The following ARFGEF2 variants were observed in gnomAD, a reference collection of about 807,000 sequenced individuals.
ARFGEF2 encodes the protein brefeldin A-inhibited guanine nucleotide-exchange protein 2.
ARFGEF2 carries 74 observed loss-of-function variants against 219.9 expected under a neutral mutation model. The observed-to-expected ratio is 0.34, with a 90% confidence interval of 0.28 to 0.41. The LOEUF (loss-of-function observed/expected upper bound fraction) is 0.41, where lower values mean the gene tolerates loss of function less well. Among genes scored for constraint, ARFGEF2 ranks in the 10% least tolerant of loss-of-function variants. The probability of loss-of-function intolerance (pLI) is 1.00; values close to 1 mark genes in which losing one functional copy is unlikely to be tolerated. For missense variants in ARFGEF2, 1,743 were observed against 2,218.3 expected, an observed-to-expected ratio of 0.79 and a Z score of 4.30; for synonymous variants, 733 against 799.2, an observed-to-expected ratio of 0.92 and a Z score of 1.40.
At chr20:48,943,146 G>A (rs141749670) in intron 3 of ARFGEF2, among the ~76,000 whole-genome samples, 30 of 152,260 alleles carry the variant, frequency 2.0e-4, no homozygotes, top group African/African-American at 7.2e-4. Context: ...CCACTAAAAA[G>A]ATACTTGTTT....
At chr20:48,957,084 A>G (rs2091110712) in intron 6 of ARFGEF2, among the ~76,000 whole-genome samples, 1 of 152,128 alleles carries the variant, frequency 6.6e-6, no homozygotes, top group Non-Finnish European at 1.5e-5. Context: ...TGTGACTTCT[A>G]TCCTTAGGGT....
intron 34 of ARFGEF2, among the ~76,000 whole-genome samples, chr20:49,020,915 C>G (rs2091561620): frequency 6.6e-6 from 1 of 152,200 alleles, no homozygotes; most frequent in Admixed American, 6.5e-5. Flanking sequence ...CTTTGCTGCT[C>G]CCAGTCTCCC....
chr20:48,994,178 A>G (rs1340699782), intron 21 of ARFGEF2, among the ~76,000 whole-genome samples: 1 of 152,150 alleles, frequency 6.6e-6, no homozygotes, highest in Non-Finnish European at 1.5e-5. Flanking sequence ...AGTGAGGCCA[A>G]TGAGGCTGGT....
intron 26 of ARFGEF2, among the ~76,000 whole-genome samples, chr20:49,009,796 A>T (rs1389000001): frequency 1.3e-5 from 2 of 152,222 alleles, no homozygotes; most frequent in African/African-American, 4.8e-5. Flanking sequence ...TTTAGTAATG[A>T]TTATCTCTAG....
intron 6 of ARFGEF2, among the ~76,000 whole-genome samples, chr20:48,954,453 G>A (rs1200171223): frequency 2.6e-5 from 4 of 152,110 alleles, no homozygotes; most frequent in Non-Finnish European, 4.4e-5. Flanking sequence ...TCCAAAATTG[G>A]TATTTTTTCA....
intron 1 of ARFGEF2, among the ~76,000 whole-genome samples, chr20:48,923,645 G>A (rs2090857727): frequency 6.6e-6 from 1 of 152,210 alleles, no homozygotes; most frequent in African/African-American, 2.4e-5. Context: ...CAAGAGCCTG[G>A]TATTTATAAC....
intron 1 of ARFGEF2, among the ~76,000 whole-genome samples, chr20:48,933,721 G>C (rs571358452): frequency 1.3e-5 from 2 of 152,006 alleles, no homozygotes. Flanking sequence ...CCTCTCTCAT[G>C]GCGGTGTCAA....
chr20:49,028,438 A>C (rs997495233), intron 36 of ARFGEF2, 92 bp from the exon 37 acceptor site: 3 of 1,390,186 alleles, frequency 2.2e-6, no homozygotes, highest in Non-Finnish European at 3.1e-6. Context: ...CAGATGTTTC[A>C]TATTTCATAA....
At chr20:48,977,880 C>G (rs1199531437) in intron 14 of ARFGEF2, among the ~76,000 whole-genome samples, 1 of 152,078 alleles carries the variant, frequency 6.6e-6, no homozygotes, top group Non-Finnish European at 1.5e-5. Context: ...GATATTAGCC[C>G]TTTGTCAGAT....
chr20:48,979,718 C>T (rs1447422562), intron 14 of ARFGEF2, among the ~76,000 whole-genome samples: 4 of 152,106 alleles, frequency 2.6e-5, no homozygotes, highest in Non-Finnish European at 4.4e-5. Context: ...GTGTATGTGT[C>T]GAGGAATTTA....
chr20:48,935,646 C>A (rs1205187354), intron 1 of ARFGEF2, among the ~76,000 whole-genome samples: 2 of 152,168 alleles, frequency 1.3e-5, no homozygotes, highest in African/African-American at 4.8e-5. Flanking sequence ...GGCAGAGGGG[C>A]TCCTCACTTC....
chr20:49,032,069 C>G lies in ARFGEF2; in HGVS notation c.5084C>G (p.Ala1695Gly). 6.2e-7 allele frequency: 1 copy of G among 1,613,816 alleles called. No individual in the cohort carries two copies. The highest frequency in any genetic ancestry group is 8.5e-7 in the Non-Finnish European group (1 of 1,179,756). Residue 1695 changes from alanine to glycine, a missense_variant, in exon 38 of 39, where the codon GCC becomes GGC. By Grantham distance (60) the Ala-to-Gly change is moderately conservative. Transcript: ENST00000371917. ...RLLTVCSEALAYFITVNSESH... is the reference protein window; with the variant it reads ...RLLTVCSEALGYFITVNSESH... Reference sequence around the variant, plus strand: ...TCTAGTGTTTGCAGTGAAGCTCTTGCCTATTTCATCACTGTGAATTCTGAG... The same window carrying G: ...TCTAGTGTTTGCAGTGAAGCTCTTGGCTATTTCATCACTGTGAATTCTGAG...
intron 3 of ARFGEF2, among the ~76,000 whole-genome samples, chr20:48,950,340 G>A (rs542160745): frequency 7.2e-5 from 11 of 152,116 alleles, no homozygotes; most frequent in African/African-American, 2.2e-4. Context: ...GAGTGTCTTA[G>A]TCCCACCCCA....
rs376566293 is a variant in ARFGEF2, at chr20:48,979,001, C to G, written c.1958+2802C>G. Among the ~76,000 whole-genome samples the G allele has an allele frequency of 1.3e-4, 20 of 152,262 alleles. 1 individual carries two copies. Among genetic ancestry groups the G allele is most frequent in the East Asian group, 7.7e-4 (4 of 5,180 alleles). ...GCCTGATTGCCCTGGCCAGAACTCC[C>G]AACACTGTGTTGAATGGGAGTGGTG... On this transcript the variant is annotated intron_variant, in intron 14 of 38. Transcript: ENST00000371917.
intron 20 of ARFGEF2, 133 bp from the exon 21 acceptor site, chr20:48,990,907 T>G (rs1370929711): frequency 4.1e-6 from 4 of 972,092 alleles, no homozygotes; most frequent in Non-Finnish European, 4.8e-6. Flanking sequence ...ATAACTGTTG[T>G]GCTAATGTGC....
At chr20:49,004,386 A>G (rs1338109190) in intron 25 of ARFGEF2, among the ~76,000 whole-genome samples, 1 of 152,094 alleles carries the variant, frequency 6.6e-6, no homozygotes, top group Non-Finnish European at 1.5e-5. Flanking sequence ...AATAGTATGA[A>G]TGTATACTAC....
At chr20:49,020,888 C>G (rs1362691677) in intron 34 of ARFGEF2, among the ~76,000 whole-genome samples, 1 of 152,166 alleles carries the variant, frequency 6.6e-6, no homozygotes, top group African/African-American at 2.4e-5. Context: ...ACCTCCCATT[C>G]CCCCAGGGAA....
At chr20:49,001,194 C>T (rs1459542967) in intron 25 of ARFGEF2, among the ~76,000 whole-genome samples, 3 of 151,452 alleles carry the variant, frequency 2.0e-5, no homozygotes, top group Non-Finnish European at 4.4e-5. Context: ...CATGCATCAC[C>T]ACACCTAGCT....
At chr20:48,946,407 A>T (rs2091027010) in intron 3 of ARFGEF2, among the ~76,000 whole-genome samples, 1 of 150,984 alleles carries the variant, frequency 6.6e-6, no homozygotes, top group Admixed American at 6.6e-5. Context: ...GGCTCAGTGT[A>T]AGGGGGGTTA....
Sources: allele counts gnomAD v4.1 joint callset (sites outside exome capture counted in the v4.1 genomes callset), GRCh38; gene constraint gnomAD v4.1.1; transcripts MANE v1.5; gene names NCBI Gene and HGNC (gene_info 2026-07-23, HGNC 2026-07-21).